LRRC56: variants seen among roughly 807,000 people sequenced by gnomAD.
LRRC56 encodes the protein leucine rich repeat containing 56.
In LRRC56, 41 loss-of-function variants were observed where a neutral mutation model predicts 47.8. That is an observed-to-expected ratio of 0.86 (90% confidence interval 0.67 to 1.11). The LOEUF (loss-of-function observed/expected upper bound fraction) is 1.11, where lower values mean the gene tolerates loss of function less well. Among genes scored for constraint, LRRC56 ranks in the 50% most tolerant of loss-of-function variants. LRRC56 has a pLI of 0.00. For synonymous variants in LRRC56, 387 were observed against 311.2 expected, an observed-to-expected ratio of 1.24 and a Z score of -2.56; for missense variants, 759 against 704.2, an observed-to-expected ratio of 1.08 and a Z score of -0.88.
chr11:541,552 G>A lies in LRRC56; in HGVS notation c.193G>A (p.Val65Met). ...SPARLQALAR[V>M]DDLRLVRTLE... ...GTTTCTACAGCAGGCCCTGGCCCGGGTGGATGACCTTCGGCTGGTGAGGAC... is the reference window on the plus strand; with the variant it reads ...GTTTCTACAGCAGGCCCTGGCCCGGATGGATGACCTTCGGCTGGTGAGGAC... Residue 65 changes from valine to methionine, a missense_variant, in exon 5 of 14, where the codon GTG becomes ATG. Coordinates refer to ENST00000270115, the MANE Select transcript of LRRC56 (RefSeq NM_198075.4). This position sits in a 1 kb window ranked among gnomAD's most constrained non-coding sequence, Gnocchi z 4.1. The A allele has an allele frequency of 1.3e-6, 2 of 1,580,746 alleles. No homozygotes were observed. Among genetic ancestry groups the A allele is most frequent in the South Asian group, 2.3e-5 (2 of 87,080 alleles).
At chr11:540,571 C>T (rs1851740318) in intron 3 of LRRC56, 103 bp from the exon 4 acceptor site, 3 of 959,508 alleles carry the variant, frequency 3.1e-6, no homozygotes, top group Admixed American at 3.0e-5. Flanking sequence ...CAAGGGCTTG[C>T]TGTGACGGGG....
the LRRC56 span, among the ~76,000 whole-genome samples, chr11:524,883 G>T: frequency 3.3e-4 from 50 of 151,768 alleles, no homozygotes; most frequent in African/African-American, 1.1e-3. Context: ...ATGAGGTCAG[G>T]AGATCAGGAC....
upstream of LRRC56, among the ~76,000 whole-genome samples, chr11:534,812 G>A (rs1391604013): frequency 6.6e-6 from 1 of 152,222 alleles, no homozygotes; most frequent in Non-Finnish European, 1.5e-5. Context: ...CCTCCGACAA[G>A]TATTTGCTGA....
chr11:509,383 A>G, the LRRC56 span, among the ~76,000 whole-genome samples: 1 of 152,140 alleles, frequency 6.6e-6, no homozygotes. Flanking sequence ...AATTCTCATA[A>G]GAGTGAAGAA....
chr11:543,338 C>T lies in LRRC56; in HGVS notation c.266-1382C>T, dbSNP rs1307522835. 2.0e-5 allele frequency among the ~76,000 whole-genome samples: 3 copies of T among 152,002 alleles called. No individual in the cohort carries two copies. In the East Asian group the frequency reaches 5.8e-4, roughly 29 times the overall value. On this transcript the variant is annotated intron_variant, in intron 5 of 13. Transcript: ENST00000270115. ...CAAGCAATTCTCCTGCCTCAGCCTCCTGAGTAGCTGGGATTACAGGTGTGT... is the reference window on the plus strand; with the variant it reads ...CAAGCAATTCTCCTGCCTCAGCCTCTTGAGTAGCTGGGATTACAGGTGTGT...
At chr11:517,816 C>T in the LRRC56 span, among the ~76,000 whole-genome samples, 1 of 152,356 alleles carries the variant, frequency 6.6e-6, no homozygotes, top group Non-Finnish European at 1.5e-5. Flanking sequence ...CCGTTTTGTT[C>T]TGTACTAAGA....
At chr11:535,511 C>G (rs952663179), upstream of LRRC56, 4 of 148,008 alleles carry the variant, frequency 2.7e-5, no homozygotes, top group East Asian at 3.9e-4. Flanking sequence ...GCATGGGCTC[C>G]GTCCGCGGCG....
chr11:539,595 A>G lies in LRRC56; in HGVS notation c.-143A>G. 7.3e-6 allele frequency: 1 copy of G among 137,618 alleles called. No individual in the cohort carries two copies. The highest frequency in any genetic ancestry group is 1.5e-5 in the Non-Finnish European group (1 of 65,270). 8.5% of individuals were successfully genotyped at this position (137,618 alleles called of 1,614,324 possible). ...GTATTTTTAGTAGAGACAGGGTTTC[A>G]CCGTGTTAGCCAGGATGGTCTCAAT... On this transcript the variant is annotated 5_prime_UTR_variant, in exon 3 of 14. Coordinates refer to ENST00000270115, the MANE Select transcript of LRRC56 (RefSeq NM_198075.4).
intron 9 of LRRC56, 111 bp from the exon 10 acceptor site, chr11:551,540 G>A (rs1852389243): frequency 5.0e-6 from 6 of 1,195,096 alleles, no homozygotes; most frequent in Middle Eastern, 2.1e-4. Context: ...AGCGTGAGAG[G>A]CCAGCCTCAG....
the LRRC56 span, among the ~76,000 whole-genome samples, chr11:508,210 GGCTGTACTGCAGTGGC>G: frequency 6.6e-6 from 1 of 152,200 alleles, no homozygotes; most frequent in African/African-American, 2.4e-5. Context: ...CCACTGCTTA[GGCTGTACTGCAGTGGC>G]GCGATCCCAG....
intron 2 of LRRC56, among the ~76,000 whole-genome samples, 195 bp downstream of exon 2, chr11:539,055 G>A (rs1368265597): frequency 6.6e-6 from 1 of 152,174 alleles, no homozygotes; most frequent in Non-Finnish European, 1.5e-5. Flanking sequence ...CAGGGCCTGG[G>A]GCCGAGGCAG....
At chr11:545,710 G>C (rs568260008) in intron 6 of LRRC56, among the ~76,000 whole-genome samples, 2 of 152,338 alleles carry the variant, frequency 1.3e-5, no homozygotes, top group South Asian at 4.1e-4. Flanking sequence ...GGAAGGGAAA[G>C]AACAAGGCTG....
chr11:534,022 C>T (rs977356522), upstream of LRRC56: 2 of 1,475,154 alleles, frequency 1.4e-6, no homozygotes, highest in Admixed American at 1.7e-5. Flanking sequence ...CTCCCTGGTA[C>T]CTCTCATGCC....
the LRRC56 span, among the ~76,000 whole-genome samples, chr11:510,956 A>G: frequency 3.3e-5 from 5 of 152,078 alleles, no homozygotes; most frequent in East Asian, 1.9e-4. Context: ...TTAACAAAGT[A>G]TGAGATGTGT....
At chr11:552,414 G>A (rs1047716902) in intron 12 of LRRC56, among the ~76,000 whole-genome samples, 155 bp from the exon 13 acceptor site, 5 of 148,158 alleles carry the variant, frequency 3.4e-5, no homozygotes, top group Non-Finnish European at 6.0e-5. Flanking sequence ...CCCAAGGCTC[G>A]TGGACCATCC....
the LRRC56 span, among the ~76,000 whole-genome samples, chr11:509,714 ATTTT>A: frequency 1.6e-5 from 2 of 125,204 alleles, no homozygotes; most frequent in Non-Finnish European, 1.7e-5. Context: ...CGCCCGGCTA[ATTTT>A]TTTTTTTTTT....
chr11:526,629 A>G, the LRRC56 span, among the ~76,000 whole-genome samples: 1 of 152,194 alleles, frequency 6.6e-6, no homozygotes, highest in African/African-American at 2.4e-5. Flanking sequence ...CCTGTGCTAC[A>G]TCCCTACAAA....
chr11:521,593 C>T, the LRRC56 span, among the ~76,000 whole-genome samples: 2 of 152,178 alleles, frequency 1.3e-5, no homozygotes, highest in Non-Finnish European at 1.5e-5. Context: ...TAGGTGTGAG[C>T]CCCTGCACCC....
chr11:533,350 G>A, upstream of LRRC56: 1 of 1,606,084 alleles, frequency 6.2e-7, no homozygotes, highest in Non-Finnish European at 8.5e-7. Context: ...TAGAGCCAGA[G>A]CGGCTGCCCT....
Sources: gnomAD v4.1 joint callset for allele counts (sites outside exome capture counted in the v4.1 genomes callset) on GRCh38, gnomAD v4.1.1 for gene constraint, Gnocchi (gnomAD v3.1) non-coding constraint, MANE v1.5 for transcripts, NCBI Gene and HGNC (gene_info 2026-07-23, HGNC 2026-07-21) for gene names.